The following STXBP5 variants were observed in gnomAD, a reference collection of about 807,000 sequenced individuals.
STXBP5 encodes syntaxin-binding protein 5.
A neutral mutation model predicts 152.4 loss-of-function variants in STXBP5; 50 were observed. That is an observed-to-expected ratio of 0.33 (90% CI 0.26 to 0.42). The LOEUF (loss-of-function observed/expected upper bound fraction) is 0.42. Among genes scored for constraint, STXBP5 ranks in the 10% least tolerant of loss-of-function variants. STXBP5 has a pLI of 1.00. For missense variants in STXBP5, 1,167 were observed against 1,388.6 expected (o/e 0.84, Z 2.54); for synonymous variants, 492 against 494.7 (o/e 0.99, Z 0.07).
intron 4 of STXBP5, among the ~76,000 whole-genome samples, chr6:147,239,575 C>T (rs1778438347): frequency 6.6e-6 from 1 of 152,144 alleles, no homozygotes; most frequent in South Asian, 2.1e-4. Context: ...ACATATTCTT[C>T]CTGTAACTTG....
chr6:147,360,220 A>C lies in STXBP5; in HGVS notation c.2545+897A>C, dbSNP rs1030641375. 4.5e-4 allele frequency among the ~76,000 whole-genome samples: 69 copies of C among 152,236 alleles called. 2 individuals are homozygous for C. Among genetic ancestry groups the C allele is most frequent in the Non-Finnish European group, 1.9e-4 (13 of 67,996 alleles). ...GGTGGGACTGTAAACTAGTTCAACC[A>C]TTGTGGAAGTCAGTGTGGCGATTCC... On this transcript the variant is annotated intron_variant, in intron 23 of 27. Transcript: ENST00000321680.
chr6:147,227,439 C>T (rs976102462), intron 2 of STXBP5, among the ~76,000 whole-genome samples: 1 of 152,122 alleles, frequency 6.6e-6, no homozygotes, highest in African/African-American at 2.4e-5. Context: ...AATAAAATCT[C>T]TTGCCAATGT....
intron 3 of STXBP5, among the ~76,000 whole-genome samples, chr6:147,235,727 C>T (rs1332701862): frequency 2.0e-5 from 3 of 152,120 alleles, no homozygotes. Flanking sequence ...AGCATTCATT[C>T]ATTAGAAAGT....
intron 9 of STXBP5, among the ~76,000 whole-genome samples, chr6:147,298,106 C>T (rs1781620676): frequency 6.6e-6 from 1 of 152,008 alleles, no homozygotes; most frequent in South Asian, 2.1e-4. Flanking sequence ...ACTATAGGCT[C>T]ACGTCACTTG....
rs548271580 is a variant in STXBP5 at position 147,298,356 on chromosome 6, G to A, written c.917+7184G>A. On this transcript the variant is annotated intron_variant, in intron 9 of 27. Coordinates refer to ENST00000321680, the MANE Select transcript of STXBP5 (RefSeq NM_001127715.4). ...ACACAAATTATTACTACATCTAAAGGGAGAGAGAAACTGCAGTAGGTAAGT... is the reference window on the plus strand; with the variant it reads ...ACACAAATTATTACTACATCTAAAGAGAGAGAGAAACTGCAGTAGGTAAGT... Among the ~76,000 whole-genome samples, 10 of 152,076 alleles carry A rather than the reference G, an allele frequency of 6.6e-5. No individual in the cohort carries two copies. In the South Asian group the frequency reaches 1.7e-3, roughly 25 times the overall value.
At chr6:147,348,611 C>T (rs1784446746) in intron 21 of STXBP5, among the ~76,000 whole-genome samples, 1 of 152,004 alleles carries the variant, frequency 6.6e-6, no homozygotes, top group Admixed American at 6.6e-5. Flanking sequence ...ACTTAATATA[C>T]CTTTGAAAAA....
At chr6:147,380,692 C>T (rs1031254041) in intron 26 of STXBP5, among the ~76,000 whole-genome samples, 1 of 151,924 alleles carries the variant, frequency 6.6e-6, no homozygotes, top group South Asian at 2.1e-4. Context: ...AAACATTGTG[C>T]TTCAAAGAAT....
rs1786410279 is a variant in STXBP5, at chr6:147,387,761, G to A, written c.*3006G>A. 6.6e-6 allele frequency: 1 copy of A among 151,376 alleles called. No individual in the cohort carries two copies. The highest frequency in any genetic ancestry group is 1.5e-5 in the Non-Finnish European group (1 of 67,664). The allele number at this position is 151,376 out of a possible 1,614,324, so 9.4% of individuals were successfully genotyped here. On this transcript the variant is annotated 3_prime_UTR_variant, in exon 28 of 28. Coordinates refer to ENST00000321680, the MANE Select transcript of STXBP5 (RefSeq NM_001127715.4). ...TGTAAGTATATTACAATTTAATTAA[G>A]TACAATAGTTTAAAGAACGAAGCAA...
intron 7 of STXBP5, among the ~76,000 whole-genome samples, chr6:147,275,419 A>G (rs1780388045): frequency 6.6e-6 from 1 of 150,886 alleles, no homozygotes; most frequent in Admixed American, 6.6e-5. Flanking sequence ...CTTGTCCTCC[A>G]TGGCTTTTGT....
chr6:147,224,817 A>G (rs1265456105), intron 2 of STXBP5, among the ~76,000 whole-genome samples: 1 of 152,204 alleles, frequency 6.6e-6, no homozygotes, highest in Non-Finnish European at 1.5e-5. Context: ...GTCCTAATCT[A>G]AAGCTCATCC....
intron 21 of STXBP5, among the ~76,000 whole-genome samples, chr6:147,347,179 T>G (rs909604879): frequency 1.7e-4 from 26 of 152,210 alleles, no homozygotes; most frequent in Admixed American, 1.6e-3. Flanking sequence ...CTCAAGTCTT[T>G]GTCTTAAGTT....
chr6:147,220,786 C>G (rs559825945), intron 2 of STXBP5, among the ~76,000 whole-genome samples: 1 of 152,084 alleles, frequency 6.6e-6, no homozygotes, highest in Non-Finnish European at 1.5e-5. Flanking sequence ...TTGCAGACAG[C>G]GTATAGCTGG....
chr6:147,247,908 A>G (rs899606320), intron 4 of STXBP5, among the ~76,000 whole-genome samples: 6 of 152,182 alleles, frequency 3.9e-5, no homozygotes, highest in Non-Finnish European at 8.8e-5. Context: ...AAAGGTATAA[A>G]AAGATTATAT....
chr6:147,353,096 G>A (rs1784662259), intron 21 of STXBP5, among the ~76,000 whole-genome samples: 1 of 151,932 alleles, frequency 6.6e-6, no homozygotes, highest in South Asian at 2.1e-4. Flanking sequence ...GTGAGCCTTG[G>A]TCACACCACT....
chr6:147,363,606 T>G lies in STXBP5; in HGVS notation c.2817T>G (p.Ile939Met). Residue 939 changes from isoleucine (I) to methionine (M), a missense_variant, in exon 24 of 28, where the codon ATT becomes ATG. Physicochemically the swap from Ile to Met is conservative, Grantham distance 10. Coordinates refer to ENST00000321680, the MANE Select transcript of STXBP5 (RefSeq NM_001127715.4). Reference protein sequence around the residue: ...PTQNCAYKQNITETSFVLRGD... With the variant: ...PTQNCAYKQNMTETSFVLRGD... Reference sequence around the variant, plus strand: ...AGAACTGTGCTTATAAGCAAAATATTACAGAGACCTCGTTTGTGCTTCGTG... The same window carrying G: ...AGAACTGTGCTTATAAGCAAAATATGACAGAGACCTCGTTTGTGCTTCGTG... The G allele has an allele frequency of 6.2e-7, 1 of 1,614,158 alleles. No homozygotes were observed. The highest frequency in any genetic ancestry group is 8.5e-7 in the Non-Finnish European group (1 of 1,180,022).
At chr6:147,359,969 A>G (rs1009836511) in intron 23 of STXBP5, among the ~76,000 whole-genome samples, 18 of 152,318 alleles carry the variant, frequency 1.2e-4, no homozygotes, top group African/African-American at 4.3e-4. Flanking sequence ...AAACAACCCC[A>G]TCAAAAAGTG....
At chr6:147,277,962 C>A in intron 7 of STXBP5, 119 bp from the exon 8 acceptor site, 2 of 862,080 alleles carry the variant, frequency 2.3e-6, no homozygotes, top group South Asian at 2.1e-5. Context: ...ATGTTAAGTT[C>A]ACATGTTAAC....
At chr6:147,336,442 A>G (rs1562254095) in intron 19 of STXBP5, among the ~76,000 whole-genome samples, 1 of 151,898 alleles carries the variant, frequency 6.6e-6, no homozygotes, top group Non-Finnish European at 1.5e-5. Context: ...AGGAAAATAA[A>G]GAAATAATTT....
chr6:147,369,869 C>G (rs1220832665), intron 25 of STXBP5, among the ~76,000 whole-genome samples: 1 of 151,942 alleles, frequency 6.6e-6, no homozygotes, highest in African/African-American at 2.4e-5. Context: ...GAAAACAATT[C>G]TGGAGTTTTC....
Sources: gnomAD v4.1 joint callset for allele counts (sites outside exome capture counted in the v4.1 genomes callset) on GRCh38, gnomAD v4.1.1 for gene constraint, MANE v1.5 for transcripts, NCBI Gene and HGNC (gene_info 2026-07-23, HGNC 2026-07-21) for gene names.